The following PRKG1 variants were observed in gnomAD, a reference collection of about 807,000 sequenced individuals.
PRKG1 encodes the protein protein kinase cGMP-dependent 1.
PRKG1 carries 35 observed loss-of-function variants against 88.1 expected under a neutral mutation model. The observed-to-expected ratio is 0.40, with a 90% CI of 0.30 to 0.53. The LOEUF is 0.53. PRKG1 is among the 20% of genes least tolerant of loss of function. The probability of loss-of-function intolerance (pLI) is 0.59; values close to 1 mark genes in which losing one functional copy is unlikely to be tolerated. For synonymous variants in PRKG1, 303 were observed against 292.5 expected, an observed-to-expected ratio of 1.04 and a Z score of -0.37; for missense variants, 540 against 839.8, an observed-to-expected ratio of 0.64 and a Z score of 4.41.
rs756434456 is a variant in PRKG1 at position 51,675,672 on chromosome 10, G to A, written c.593-128913G>A. Among the ~76,000 whole-genome samples, 8 of 152,040 alleles carry A rather than the reference G, an allele frequency of 5.3e-5. No homozygotes were observed. The East Asian group carries it at 9.6e-4, about 18-fold the overall frequency. ...TCCACTGATTTTTGTCCTCCCCTTC[G>A]AATTGTTTTAATATAAGTATTTAAA... On this transcript the variant is annotated intron_variant, in intron 3 of 17. Coordinates refer to ENST00000373980, the MANE Select transcript of PRKG1 (RefSeq NM_006258.4).
chr10:51,155,409 G>A (rs1388930922), intron 2 of PRKG1, among the ~76,000 whole-genome samples: 1 of 152,006 alleles, frequency 6.6e-6, no homozygotes, highest in African/African-American at 2.4e-5. Flanking sequence ...AAACAATACT[G>A]TGAGGTAAAG....
rs1257117154 is a variant in PRKG1, at chr10:52,280,437, A to G, written c.1404-352A>G. ...CTTGGTAGGCAAGCTCTAAAATAGG[A>G]TTATTTTTCTCTCCTGCCTACTTCT... is the stretch of plus-strand genomic sequence containing the variant. On this transcript the variant is annotated intron_variant, in intron 12 of 17. Transcript: ENST00000373980. Among the ~76,000 whole-genome samples, 6 of 152,228 alleles carry G rather than the reference A, an allele frequency of 3.9e-5. No homozygotes were observed. The East Asian group carries it at 1.2e-3, about 29-fold the overall frequency.
intron 2 of PRKG1, among the ~76,000 whole-genome samples, chr10:51,336,786 A>G (rs1324020353): frequency 6.6e-6 from 1 of 152,210 alleles, no homozygotes; most frequent in Non-Finnish European, 1.5e-5. Context: ...TGGCCAAAAC[A>G]AATGATTAAC....
intron 3 of PRKG1, among the ~76,000 whole-genome samples, chr10:51,755,496 C>G (rs1342045533): frequency 6.6e-6 from 1 of 152,132 alleles, no homozygotes; most frequent in Non-Finnish European, 1.5e-5. Flanking sequence ...GCAACAGCAG[C>G]AGCAGCAACA....
intron 1 of PRKG1, among the ~76,000 whole-genome samples, chr10:51,090,379 C>T (rs1455788288): frequency 6.6e-6 from 1 of 152,064 alleles, no homozygotes; most frequent in Non-Finnish European, 1.5e-5. Flanking sequence ...GAGTATGACT[C>T]AGAGGAAGAT....
intron 1 of PRKG1, among the ~76,000 whole-genome samples, chr10:51,081,578 GC>G (rs1844112604): frequency 6.6e-6 from 1 of 152,196 alleles, no homozygotes; most frequent in Non-Finnish European, 1.5e-5. Flanking sequence ...TGTTTGTGCA[GC>G]CAACAGTGCA....
At chr10:51,432,297 A>G (rs1838793740) in intron 2 of PRKG1, among the ~76,000 whole-genome samples, 1 of 152,188 alleles carries the variant, frequency 6.6e-6, no homozygotes, top group Admixed American at 6.5e-5. Context: ...TCATTTTCAT[A>G]AAATAATTAT....
chr10:51,736,511 T>C (rs1424339166), intron 3 of PRKG1, among the ~76,000 whole-genome samples: 1 of 152,156 alleles, frequency 6.6e-6, no homozygotes, highest in Non-Finnish European at 1.5e-5. Context: ...TGAATACTCA[T>C]ATACACACAA....
chr10:52,251,798 C>T (rs1841178920), intron 10 of PRKG1, 132 bp downstream of exon 10: 1 of 765,960 alleles, frequency 1.3e-6, no homozygotes, highest in South Asian at 2.0e-5. Context: ...AAATCAGTTC[C>T]AAATACTTTG....
intron 4 of PRKG1, among the ~76,000 whole-genome samples, chr10:51,871,129 T>G (rs1209145641): frequency 6.6e-6 from 1 of 152,228 alleles, no homozygotes; most frequent in Non-Finnish European, 1.5e-5. Flanking sequence ...TTCTGATTTT[T>G]TGTGGGTCAT....
intron 1 of PRKG1, among the ~76,000 whole-genome samples, chr10:51,055,273 A>T (rs1843612616): frequency 6.6e-6 from 1 of 152,130 alleles, no homozygotes; most frequent in South Asian, 2.1e-4. Context: ...CCAAATTGCC[A>T]TGCAAAATCA....
Position 52,026,836 on chromosome 10 carries a change from G to A in PRKG1, c.763-27648G>A, listed in dbSNP as rs112188805. Among the ~76,000 whole-genome samples the A allele has an allele frequency of 3.2e-3, 484 of 152,182 alleles. 1 individual carries two copies. The highest frequency in any genetic ancestry group is 0.011 in the African/African-American group (469 of 41,546). ...CTAAAAATACAAAAATTAGCTGGGC[G>A]TGGTGGTGAGCATCTGTAGTCCCAG... On this transcript the variant is annotated intron_variant, in intron 5 of 17. Coordinates refer to ENST00000373980, the MANE Select transcript of PRKG1 (RefSeq NM_006258.4).
intron 5 of PRKG1, among the ~76,000 whole-genome samples, chr10:51,932,776 G>T (rs1842721633): frequency 6.6e-6 from 1 of 152,076 alleles, no homozygotes; most frequent in Admixed American, 6.6e-5. Flanking sequence ...TTTCAATGAG[G>T]AGCTTTCAGT....
upstream of PRKG1, among the ~76,000 whole-genome samples, chr10:51,072,740 T>C (rs1200812181): frequency 6.6e-6 from 1 of 152,072 alleles, no homozygotes; most frequent in Non-Finnish European, 1.5e-5. Context: ...AAAGAATATT[T>C]AGGACTATAT....
At chr10:52,211,801 A>G (rs867960826) in intron 9 of PRKG1, among the ~76,000 whole-genome samples, 1 of 151,998 alleles carries the variant, frequency 6.6e-6, no homozygotes, top group East Asian at 1.9e-4. Context: ...ATGCACTTAA[A>G]TGATCTGCTA....
chr10:51,425,136 G>T (rs1838539050), intron 2 of PRKG1, among the ~76,000 whole-genome samples: 2 of 152,018 alleles, frequency 1.3e-5, no homozygotes, highest in African/African-American at 4.8e-5. Flanking sequence ...TCATAGATTT[G>T]ATTTTGTTTA....
chr10:51,075,985 T>C (rs1843941812), intron 1 of PRKG1, among the ~76,000 whole-genome samples: 1 of 152,176 alleles, frequency 6.6e-6, no homozygotes, highest in Non-Finnish European at 1.5e-5. Context: ...CGAAATCACA[T>C]TGGCTGGATG....
At chr10:51,980,808 A>AT (rs918244222) in intron 5 of PRKG1, among the ~76,000 whole-genome samples, 3 of 151,774 alleles carry the variant, frequency 2.0e-5, no homozygotes, top group African/African-American at 4.8e-5. Context: ...TGCAACTCTG[A>AT]TTTTTTTCTG....
intron 5 of PRKG1, among the ~76,000 whole-genome samples, chr10:52,041,100 A>G (rs1223523272): frequency 6.6e-6 from 1 of 151,998 alleles, no homozygotes; most frequent in African/African-American, 2.4e-5. Context: ...CGGCCTCCCA[A>G]AATGCTAAGA....
Sources: gnomAD v4.1 joint callset for allele counts (sites outside exome capture counted in the v4.1 genomes callset) on GRCh38, gnomAD v4.1.1 for gene constraint, MANE v1.5 for transcripts, NCBI Gene and HGNC (gene_info 2026-07-23, HGNC 2026-07-21) for gene names.